Variants in CEP350 observed in about 807,000 individuals in gnomAD.
CEP350 encodes the protein centrosomal protein 350.
Under a neutral mutation model 331.8 loss-of-function variants are expected in CEP350, and 126 were observed. The ratio of observed to expected loss-of-function variants is 0.38; its 90% CI spans 0.33 to 0.44. The LOEUF (loss-of-function observed/expected upper bound fraction) is 0.44. CEP350 is among the 20% of genes least tolerant of loss of function. The pLI is 1.00. For missense variants in CEP350, 3,406 were observed against 3,634.6 expected, an observed-to-expected ratio of 0.94 and a Z score of 1.62; for synonymous variants, 1,200 against 1,259.5, an observed-to-expected ratio of 0.95 and a Z score of 1.00.
chr1:180,086,959 G>C (rs1171391799), intron 31 of CEP350, among the ~76,000 whole-genome samples: 2 of 152,170 alleles, frequency 1.3e-5, no homozygotes, highest in Admixed American at 1.3e-4. Context: ...GTCTGAAATA[G>C]TGAGAGCTGT....
chr1:179,996,849 G>C lies in CEP350; in HGVS notation c.692G>C (p.Gly231Ala). The C allele has an allele frequency of 6.2e-7, 1 of 1,613,756 alleles. No homozygotes were observed. Among genetic ancestry groups the C allele is most frequent in the Non-Finnish European group, 8.5e-7 (1 of 1,179,710 alleles). ...TEEEMPNRTK[G>A]SENNLKLSVN... ...GAAGAAATGCCTAACAGAACAAAAG[G>C]AAGTGAGAATAATTTGAAGCTTTCT... is the stretch of plus-strand genomic sequence containing the variant. The change falls in exon 6 of 38, where the codon GGA (glycine) becomes GCA (alanine). Residue 231 changes from glycine (G) to alanine (A), a missense_variant. This residue lies in a region of CEP350 where 1,857 missense variants were observed against 1,909.2 expected (regional missense o/e 0.97). Transcript: ENST00000367607.
intron 27 of CEP350, among the ~76,000 whole-genome samples, chr1:180,073,386 A>G (rs542702749): frequency 6.6e-6 from 1 of 152,344 alleles, no homozygotes; most frequent in African/African-American, 2.4e-5. Context: ...ATTAAAAATC[A>G]CTTGCTCAGG....
intron 14 of CEP350, among the ~76,000 whole-genome samples, chr1:180,025,221 T>C (rs1239792419): frequency 1.3e-5 from 2 of 152,190 alleles, no homozygotes; most frequent in Non-Finnish European, 2.9e-5. Flanking sequence ...TAAAAACAAA[T>C]GTAAATAATT....
intron 11 of CEP350, among the ~76,000 whole-genome samples, chr1:180,018,647 AT>A (rs1390148827): frequency 6.6e-6 from 1 of 152,150 alleles, no homozygotes; most frequent in East Asian, 1.9e-4. Flanking sequence ...TTTTAACCCA[AT>A]TGCAGAAGTT....
At chr1:180,043,928 TGTAA>T (rs1180189394) in intron 20 of CEP350, 119 bp from the exon 21 acceptor site, 1 of 846,016 alleles carries the variant, frequency 1.2e-6, no homozygotes, top group Non-Finnish European at 1.7e-6. Context: ...TTTAATGTGT[TGTAA>T]GTTATTTTAT....
At chr1:180,076,164 G>A (rs1348531683) in intron 28 of CEP350, among the ~76,000 whole-genome samples, 1 of 151,784 alleles carries the variant, frequency 6.6e-6, no homozygotes, top group Non-Finnish European at 1.5e-5. Flanking sequence ...CAGTATACTA[G>A]ATTAAAGGCG....
intron 26 of CEP350, among the ~76,000 whole-genome samples, chr1:180,063,539 G>A (rs1431464097): frequency 1.3e-5 from 2 of 151,788 alleles, no homozygotes; most frequent in Non-Finnish European, 1.5e-5. Context: ...GCTGGGTGCC[G>A]TAACTCAAAC....
At chr1:179,985,459 G>A (rs568374307) in intron 1 of CEP350, among the ~76,000 whole-genome samples, 2 of 152,230 alleles carry the variant, frequency 1.3e-5, no homozygotes, top group South Asian at 4.2e-4. Context: ...CTTTGAACAT[G>A]GTTGTACAAA....
chr1:180,040,711 A>G (rs1656709007), intron 17 of CEP350, among the ~76,000 whole-genome samples: 1 of 152,000 alleles, frequency 6.6e-6, no homozygotes, highest in Non-Finnish European at 1.5e-5. Context: ...CCTGGTGACA[A>G]GGAAACCTTA....
intron 29 of CEP350, among the ~76,000 whole-genome samples, 163 bp downstream of exon 29, chr1:180,078,837 A>G (rs1470327548): frequency 1.3e-5 from 2 of 152,242 alleles, no homozygotes; most frequent in Admixed American, 6.5e-5. Context: ...ATTTACAAAT[A>G]TATGAATTTT....
chr1:179,961,275 A>G (rs771164499), intron 1 of CEP350, among the ~76,000 whole-genome samples: 12 of 152,006 alleles, frequency 7.9e-5, no homozygotes, highest in Non-Finnish European at 1.6e-4. Flanking sequence ...GTGAAACACC[A>G]TCTCTACTAA....
intron 9 of CEP350, among the ~76,000 whole-genome samples, chr1:180,013,425 G>T (rs2501608): frequency 0.81 from 122,869 of 152,126 alleles, 49,960 homozygotes; most frequent in Admixed American, 0.87. Flanking sequence ...TTAAGGCATT[G>T]CCATTTCCTT....
At chr1:179,999,153 T>C (rs1571843402) in intron 6 of CEP350, among the ~76,000 whole-genome samples, 1 of 152,276 alleles carries the variant, frequency 6.6e-6, no homozygotes, top group South Asian at 2.1e-4. Flanking sequence ...TTTTGTTCTT[T>C]GTACAAGTCA....
intron 10 of CEP350, among the ~76,000 whole-genome samples, chr1:180,015,533 C>T (rs992504341): frequency 1.3e-5 from 2 of 152,024 alleles, no homozygotes; most frequent in African/African-American, 2.4e-5. Context: ...CGCTCCTGGC[C>T]GGAAATTGTT....
Position 180,087,635 on chromosome 1 carries a change from T to C in CEP350, c.6343T>C (p.Ser2115Pro). ...EAELSQDLETSPTAKPQIKTL... is the reference protein window; with the variant it reads ...EAELSQDLETPPTAKPQIKTL... ...CGAGCTTAGCCAAGATTTGGAAACA[T>C]CACCAACAGCCAAGCCTCAGATTAA... Residue 2115 changes from serine to proline, a missense_variant, in exon 32 of 38, where the codon TCA (serine) becomes CCA (proline). Around this residue, in one of 5 missense-constraint regions of CEP350, gnomAD observed 1,415 missense variants for 1,512.3 expected, o/e 0.94. Transcript: ENST00000367607. The C allele has an allele frequency of 1.9e-6, 3 of 1,558,024 alleles. No homozygotes were observed. The highest frequency in any genetic ancestry group is 2.6e-6 in the Non-Finnish European group (3 of 1,149,622).
At chr1:179,967,512 A>G (rs562244808) in intron 1 of CEP350, among the ~76,000 whole-genome samples, 2 of 152,138 alleles carry the variant, frequency 1.3e-5, no homozygotes, top group South Asian at 4.2e-4. Context: ...TCCGGGTTCA[A>G]GCAGTTCTCC....
chr1:180,022,989 A>T, intron 13 of CEP350, 141 bp downstream of exon 13: 3 of 702,572 alleles, frequency 4.3e-6, no homozygotes, highest in East Asian at 5.8e-5. Context: ...GATCCAGAGC[A>T]TGGGCTCTGG....
chr1:180,108,197 G>GGT, intron 37 of CEP350, among the ~76,000 whole-genome samples: 1 of 152,000 alleles, frequency 6.6e-6, no homozygotes, highest in Admixed American at 6.6e-5. Flanking sequence ...TTTCAGTGGG[G>GGT]GCTGCATTGA....
In CEP350 at chr1:180,093,397, G is replaced by C. The variant is rs773377065; in HGVS notation, c.7292G>C (p.Ser2431Thr). 6.3e-7 allele frequency: 1 copy of C among 1,599,062 alleles called. No homozygotes were observed. The highest frequency in any genetic ancestry group is 1.3e-5 in the African/African-American group (1 of 74,700). The part of the protein sequence containing the change: ...SSTSGATSFG[S>T]NEEISECLSE... ...ACAAGTGGAGCCACTAGCTTTGGTA[G>C]TAATGAGGAAATCAGTGAGTGCCTA... The change falls in exon 34 of 38, where the codon AGT (serine) becomes ACT (threonine). Residue 2431 changes from serine (S) to threonine (T), a missense_variant. Physicochemically the swap from Ser to Thr is moderately conservative, Grantham distance 58. Around this residue, in one of 5 missense-constraint regions of CEP350, gnomAD observed 1,415 missense variants for 1,512.3 expected, o/e 0.94. Coordinates refer to ENST00000367607, the MANE Select transcript of CEP350 (RefSeq NM_014810.5).
Sources: gnomAD v4.1 joint callset for allele counts (sites outside exome capture counted in the v4.1 genomes callset) on GRCh38, gnomAD v4.1.1 for gene constraint, gnomAD v4.1.1 regional missense constraint, MANE v1.5 for transcripts, NCBI Gene and HGNC (gene_info 2026-07-23, HGNC 2026-07-21) for gene names.